TLN2: variants seen among roughly 807,000 people sequenced by gnomAD.
TLN2 encodes talin-2.
TLN2 carries 118 observed loss-of-function variants against 294.7 expected under a neutral mutation model. The observed-to-expected ratio is 0.40, with a 90% CI of 0.34 to 0.47. The LOEUF (loss-of-function observed/expected upper bound fraction) is 0.47. Among genes scored for constraint, TLN2 ranks in the 20% least tolerant of loss-of-function variants. The probability of loss-of-function intolerance (pLI) is 0.84; values close to 1 mark genes in which losing one functional copy is unlikely to be tolerated. For missense variants in TLN2, 3,083 were observed against 3,282.2 expected (o/e 0.94, Z 1.48); for synonymous variants, 1,431 against 1,304.5 (o/e 1.10, Z -2.09).
chr15:62,420,986 A>T (rs1041689216), intron 1 of TLN2, among the ~76,000 whole-genome samples: 2 of 152,242 alleles, frequency 1.3e-5, no homozygotes, highest in African/African-American at 4.8e-5. Flanking sequence ...GATTAAAATA[A>T]GTTAATCACT....
intron 1 of TLN2, among the ~76,000 whole-genome samples, chr15:62,481,358 G>A (rs970519794): frequency 6.6e-6 from 1 of 152,034 alleles, no homozygotes; most frequent in African/African-American, 2.4e-5. Flanking sequence ...TAAAACACTT[G>A]TGACCCCTTG....
At chr15:62,459,378 G>A (rs2036665050) in intron 1 of TLN2, among the ~76,000 whole-genome samples, 1 of 150,812 alleles carries the variant, frequency 6.6e-6, no homozygotes, top group African/African-American at 2.4e-5. Flanking sequence ...CATGTGAATA[G>A]GATGACAAAA....
intron 43 of TLN2, among the ~76,000 whole-genome samples, chr15:62,777,659 C>T (rs1244545824): frequency 2.0e-5 from 3 of 152,106 alleles, no homozygotes; most frequent in Non-Finnish European, 4.4e-5. Context: ...CATTTTAACA[C>T]ACTCTTTTTA....
intron 54 of TLN2, chr15:62,833,282 G>C (rs1280896707): frequency 1.3e-5 from 7 of 547,948 alleles, no homozygotes; most frequent in Non-Finnish European, 2.2e-5. Context: ...TCCACACTGT[G>C]ACCCGAGGGT....
At chr15:62,826,754 G>A (rs963372616) in intron 54 of TLN2, among the ~76,000 whole-genome samples, 2 of 152,114 alleles carry the variant, frequency 1.3e-5, no homozygotes, top group East Asian at 1.9e-4. Context: ...GCTCCACTCC[G>A]GCTTCCAACT....
chr15:62,651,670 T>C (rs1291423802), intron 5 of TLN2, among the ~76,000 whole-genome samples: 1 of 152,124 alleles, frequency 6.6e-6, no homozygotes, highest in Non-Finnish European at 1.5e-5. Context: ...GGGCGGCTTA[T>C]GGAAACAAAG....
rs147697246 is a variant in TLN2, at chr15:62,636,890, C to T, written c.-36-10385C>T. ...AGGAGCTTGCGCACAGTTCTTGTCA[C>T]TCATTCTTCCAGGTTCAGTCTGGAA... On this transcript the variant is annotated intron_variant, in intron 3 of 58. Coordinates refer to ENST00000636159, the MANE Select transcript of TLN2 (RefSeq NM_015059.3). Among the ~76,000 whole-genome samples, 247 of 152,314 alleles carry T rather than the reference C, an allele frequency of 1.6e-3. 2 individuals are homozygous for T. Among genetic ancestry groups the T allele is most frequent in the African/African-American group, 5.7e-3 (239 of 41,572 alleles).
At chr15:62,514,055 A>G (rs1301239200) in intron 1 of TLN2, among the ~76,000 whole-genome samples, 1 of 152,228 alleles carries the variant, frequency 6.6e-6, no homozygotes, top group Non-Finnish European at 1.5e-5. Flanking sequence ...AACTTGAAAG[A>G]CACAACTTTC....
intron 1 of TLN2, among the ~76,000 whole-genome samples, chr15:62,431,019 G>A (rs1471401993): frequency 6.6e-6 from 1 of 151,980 alleles, no homozygotes; most frequent in African/African-American, 2.4e-5. Context: ...GAGGATCTGA[G>A]AGACTGATAC....
chr15:62,524,693 C>G (rs1200122637), intron 1 of TLN2, among the ~76,000 whole-genome samples: 1 of 152,200 alleles, frequency 6.6e-6, no homozygotes, highest in African/African-American at 2.4e-5. Flanking sequence ...CAGCTTCATT[C>G]ATTCAAATTC....
At chr15:62,551,501 C>A (rs1345367262) in intron 1 of TLN2, among the ~76,000 whole-genome samples, 1 of 142,148 alleles carries the variant, frequency 7.0e-6, no homozygotes, top group Non-Finnish European at 1.5e-5. Flanking sequence ...GAAAGCCAAT[C>A]TCTACTAAAA....
intron 1 of TLN2, among the ~76,000 whole-genome samples, chr15:62,551,304 G>T (rs1313899552): frequency 1.3e-5 from 2 of 152,138 alleles, no homozygotes; most frequent in Admixed American, 6.6e-5. Flanking sequence ...ATGGCCTGGG[G>T]ATTGGGGACC....
intron 1 of TLN2, among the ~76,000 whole-genome samples, chr15:62,567,115 C>G (rs1000358034): frequency 1.3e-5 from 2 of 152,196 alleles, no homozygotes; most frequent in African/African-American, 4.8e-5. Flanking sequence ...AGCATTTTCT[C>G]AAATTCTTGT....
intron 14 of TLN2, 47 bp from the exon 15 acceptor site, chr15:62,697,641 C>T (rs772214435): frequency 4.5e-6 from 7 of 1,562,154 alleles, no homozygotes; most frequent in Non-Finnish European, 6.1e-6. Context: ...TCATTGCACT[C>T]CACATGGCTG....
chr15:62,434,498 C>T (rs2035189641), intron 1 of TLN2, among the ~76,000 whole-genome samples: 1 of 152,146 alleles, frequency 6.6e-6, no homozygotes, highest in African/African-American at 2.4e-5. Context: ...CGCTCTTTCC[C>T]TTGCTTGCAA....
At chr15:62,534,914 G>A (rs2041251293) in intron 1 of TLN2, among the ~76,000 whole-genome samples, 1 of 152,178 alleles carries the variant, frequency 6.6e-6, no homozygotes, top group African/African-American at 2.4e-5. Context: ...CACAGAATTA[G>A]GAGATGGTGG....
intron 1 of TLN2, among the ~76,000 whole-genome samples, chr15:62,488,901 G>A (rs1217780235): frequency 6.6e-6 from 1 of 152,194 alleles, no homozygotes; most frequent in Non-Finnish European, 1.5e-5. Flanking sequence ...AGTGGCTCAC[G>A]CCTGTAATCG....
chr15:62,572,888 C>T (rs2044015460), intron 1 of TLN2, among the ~76,000 whole-genome samples: 1 of 152,208 alleles, frequency 6.6e-6, no homozygotes, highest in Non-Finnish European at 1.5e-5. Context: ...CTGCGCTCTT[C>T]CTGTCTTGCC....
At chr15:62,619,921 T>C (rs1340636479) in intron 3 of TLN2, among the ~76,000 whole-genome samples, 1 of 152,194 alleles carries the variant, frequency 6.6e-6, no homozygotes, top group Non-Finnish European at 1.5e-5. Context: ...ATGGCAGAGA[T>C]TGAAGGTCTA....
Sources: allele counts gnomAD v4.1 joint callset (sites outside exome capture counted in the v4.1 genomes callset), GRCh38; gene constraint gnomAD v4.1.1; transcripts MANE v1.5; gene names NCBI Gene and HGNC (gene_info 2026-07-23, HGNC 2026-07-21).